The following MAPK6 variants were observed in gnomAD, a reference collection of about 807,000 sequenced individuals.
MAPK6 encodes the protein ERK-3.
Under a neutral mutation model 59.3 loss-of-function variants are expected in MAPK6, and 19 were observed. That is an observed-to-expected ratio of 0.32 (90% confidence interval 0.22 to 0.47). MAPK6 has a LOEUF of 0.47. MAPK6 is among the 20% of genes least tolerant of loss of function. The probability of loss-of-function intolerance (pLI) is 1.00; values close to 1 mark genes in which losing one functional copy is unlikely to be tolerated. For missense variants in MAPK6, 724 were observed against 847.9 expected, an observed-to-expected ratio of 0.85 and a Z score of 1.81; for synonymous variants, 316 against 290.3, an observed-to-expected ratio of 1.09 and a Z score of -0.90.
intron 1 of MAPK6, among the ~76,000 whole-genome samples, chr15:52,029,124 A>G (rs191505329): frequency 1.5e-3 from 228 of 152,292 alleles, no homozygotes; most frequent in Middle Eastern, 0.014. Context: ...TGCAACCTCC[A>G]TCTACTGGGT....
intron 3 of MAPK6, among the ~76,000 whole-genome samples, chr15:52,008,343 G>A (rs1223517841): frequency 6.6e-6 from 1 of 152,090 alleles, no homozygotes; most frequent in Non-Finnish European, 1.5e-5. Context: ...GCCTTCTTTC[G>A]GTTTGAAGTT....
rs187754466 is a variant in MAPK6 at position 52,049,118 on chromosome 15, A to T, written c.556-875A>T. On this transcript the variant is annotated intron_variant, in intron 2 of 5. Transcript: ENST00000261845. ...TTTTGAGGATGAAATAAGGCAATATATGTGTAAGGTTTTGTAAGGTGCTTT... is the reference window on the plus strand; with the variant it reads ...TTTTGAGGATGAAATAAGGCAATATTTGTGTAAGGTTTTGTAAGGTGCTTT... 3.5e-4 allele frequency among the ~76,000 whole-genome samples: 53 copies of T among 152,302 alleles called. 1 individual carries two copies. The highest frequency in any genetic ancestry group is 6.3e-4 in the Non-Finnish European group (43 of 68,026).
intron 1 of MAPK6, among the ~76,000 whole-genome samples, chr15:52,033,183 A>T (rs905200548): frequency 7.9e-5 from 12 of 152,092 alleles, no homozygotes; most frequent in African/African-American, 2.9e-4. Context: ...TTCTGGTGTG[A>T]TGGTTAGTAT....
chr15:52,047,063 A>T, intron 2 of MAPK6, 48 bp downstream of exon 2: 12 of 1,322,090 alleles, frequency 9.1e-6, no homozygotes, highest in Non-Finnish European at 1.2e-5. Flanking sequence ...TGATACACCT[A>T]ATCAGGAATA....
At chr15:51,996,885 T>G (rs1442730298) in intron 2 of MAPK6, among the ~76,000 whole-genome samples, 1 of 152,060 alleles carries the variant, frequency 6.6e-6, no homozygotes, top group Non-Finnish European at 1.5e-5. Flanking sequence ...TATAGTGACA[T>G]AGTCTCCCTA....
chr15:52,008,892 T>G (rs2029980333), intron 3 of MAPK6, among the ~76,000 whole-genome samples: 1 of 152,164 alleles, frequency 6.6e-6, no homozygotes, highest in Non-Finnish European at 1.5e-5. Context: ...GAGGTGGTTA[T>G]CAGTTTCTGG....
At chr15:51,976,266 CAAAAAAAAAA>C (rs774556505) in intron 1 of MAPK6, among the ~76,000 whole-genome samples, 1 of 45,188 alleles carries the variant, frequency 2.2e-5, no homozygotes, top group African/African-American at 7.6e-5. Flanking sequence ...ACTCCCATCT[CAAAAAAAAAA>C]AAAAAAAAAA....
chr15:52,064,367 A>C lies in MAPK6; in HGVS notation c.1533A>C (p.Ser511=), dbSNP rs1280384393. 1.9e-6 allele frequency: 3 copies of C among 1,611,738 alleles called. No homozygotes were observed. The highest frequency in any genetic ancestry group is 1.3e-5 in the African/African-American group (1 of 74,838). ...CCCAGATAGCGCTAGAGGAAGCATC[A>C]CAGCAACTGGCTGGAAAAGAAAGGG... The part of the protein sequence containing the change: ...VKAQIALEEA[S]QQLAGKEREK... The change falls in exon 6 of 6, where the codon TCA becomes TCC. Residue 511 remains serine (S), a synonymous_variant. Coordinates refer to ENST00000261845, the MANE Select transcript of MAPK6 (RefSeq NM_002748.4).
At chr15:52,048,821 C>T (rs1341400882) in intron 2 of MAPK6, among the ~76,000 whole-genome samples, 2 of 152,052 alleles carry the variant, frequency 1.3e-5, no homozygotes. Context: ...TGAGACCAAC[C>T]TGGGCAACAC....
intron 1 of MAPK6, among the ~76,000 whole-genome samples, chr15:52,041,773 T>C (rs948872621): frequency 1.3e-5 from 2 of 152,202 alleles, no homozygotes; most frequent in African/African-American, 4.8e-5. Flanking sequence ...CTCTGCCTTT[T>C]TTATGGCTAC....
At chr15:52,016,108 AAACT>A (rs2030259568), upstream of MAPK6, among the ~76,000 whole-genome samples, 1 of 133,542 alleles carries the variant, frequency 7.5e-6, no homozygotes. Context: ...ACACACACAC[AAACT>A]AAAACTGGCC....
rs368452565 is a variant in MAPK6 at position 52,064,124 on chromosome 15, T to C, written c.1290T>C (p.His430=). ...AGCCTTGTTGGCAATACTCAGATCA[T>C]CATGAAAACAAATATTGTGATCTGG... The part of the protein sequence containing the change: ...STEPCWQYSD[H]HENKYCDLEC... The change falls in exon 6 of 6, where the codon CAT becomes CAC. Residue 430 remains histidine (H), a synonymous_variant. Coordinates refer to ENST00000261845, the MANE Select transcript of MAPK6 (RefSeq NM_002748.4). 3.1e-6 allele frequency: 5 copies of C among 1,611,880 alleles called. No individual in the cohort carries two copies. In the African/African-American group the frequency reaches 6.7e-5, roughly 22 times the overall value.
At chr15:52,044,497 G>T (rs1456354751) in intron 1 of MAPK6, among the ~76,000 whole-genome samples, 1 of 152,048 alleles carries the variant, frequency 6.6e-6, no homozygotes, top group African/African-American at 2.4e-5. Flanking sequence ...CGAATAAATT[G>T]GTGGCTTTAT....
In MAPK6 at chr15:51,980,716, C is replaced by A. The variant is rs968039573; in HGVS notation, c.-879-2490C>A. On this transcript the variant is annotated intron_variant, in intron 1 of 7. Transcript: ENST00000691380. ...AGCGACTCTCCTGCCTCAGCCTCCCCAGTAGCTGGGACTACAGGCGCATAC... is the reference window on the plus strand; with the variant it reads ...AGCGACTCTCCTGCCTCAGCCTCCCAAGTAGCTGGGACTACAGGCGCATAC... Among the ~76,000 whole-genome samples, 5 of 151,024 alleles carry A rather than the reference C, an allele frequency of 3.3e-5. No homozygotes were observed. In the East Asian group the frequency reaches 7.8e-4, roughly 23 times the overall value.
In MAPK6 at chr15:52,046,256, GA is replaced by G; in HGVS notation, c.-203del. 1.9e-6 allele frequency: 1 copy of G among 517,486 alleles called. No homozygotes were observed. The allele number at this position is 517,486 out of a possible 1,614,324, so 32.1% of individuals were successfully genotyped here. A position where few individuals can be genotyped will look rare whatever the true frequency, so the allele number is the denominator to read the frequency against. ...CTGCAATCTTTTTAATTCTCAATAT[GA>G]ATAGAGCTTTTTGAGCTTTAAATCT... On this transcript the variant is annotated 5_prime_UTR_variant, in exon 2 of 6. It removes the in-frame stop codon of an upstream open reading frame in the 5' UTR. Transcript: ENST00000261845.
intron 3 of MAPK6, among the ~76,000 whole-genome samples, chr15:52,053,756 C>G (rs2031866409): frequency 6.6e-6 from 1 of 152,086 alleles, no homozygotes; most frequent in African/African-American, 2.4e-5. Flanking sequence ...TCTCCTCCCT[C>G]AGCCTCCTGA....
rs1231722811 is a variant in MAPK6 at position 52,008,699 on chromosome 15, G to T, written c.-632+4297G>T. 4.6e-5 allele frequency among the ~76,000 whole-genome samples: 7 copies of T among 152,328 alleles called. No homozygotes were observed. The East Asian group carries it at 1.3e-3, about 29-fold the overall frequency. ...ATTAAACCAAGCATGGGGTCCTTTT[G>T]CACGCAGGGCCCTGTGTAATGCCCT... On this transcript the variant is annotated intron_variant, in intron 3 of 7. Coordinates refer to the MAPK6 transcript ENST00000691380.
intron 3 of MAPK6, among the ~76,000 whole-genome samples, chr15:52,051,729 C>T (rs879449221): frequency 1.9e-4 from 29 of 152,164 alleles, no homozygotes; most frequent in Admixed American, 1.8e-3. Flanking sequence ...CAAAAATTAG[C>T]TGGGCATGGT....
intron 3 of MAPK6, among the ~76,000 whole-genome samples, chr15:52,013,261 A>T (rs2030143825): frequency 6.6e-6 from 1 of 151,754 alleles, no homozygotes; most frequent in Middle Eastern, 3.4e-3. Context: ...CAAGAAAGGA[A>T]GTGGTGTTTC....
Sources: allele counts gnomAD v4.1 joint callset (sites outside exome capture counted in the v4.1 genomes callset), GRCh38; gene constraint gnomAD v4.1.1; transcripts MANE v1.5; gene names NCBI Gene and HGNC (gene_info 2026-07-23, HGNC 2026-07-21).